TSHZ3: variants seen among roughly 807,000 people sequenced by gnomAD.
The protein encoded by TSHZ3 is teashirt homolog 3.
TSHZ3 carries 10 observed loss-of-function variants against 64.5 expected under a neutral mutation model. That is an observed-to-expected ratio of 0.16 (90% CI 0.10 to 0.26). The LOEUF is 0.26. Ranked by LOEUF, TSHZ3 falls within the 10% of genes least tolerant of loss-of-function variation. TSHZ3 has a pLI of 1.00. For synonymous variants in TSHZ3, 608 were observed against 593.1 expected, an observed-to-expected ratio of 1.03 and a Z score of -0.36; for missense variants, 1,242 against 1,421.7, an observed-to-expected ratio of 0.87 and a Z score of 2.03.
chr19:31,160,759 CACACACAT>C (rs1360798862), intron 5 of TSHZ3, among the ~76,000 whole-genome samples: 7 of 152,086 alleles, frequency 4.6e-5, no homozygotes, highest in East Asian at 1.9e-4. Flanking sequence ...CACAAAACTA[CACACACAT>C]ACACACATAC....
chr19:31,153,678 G>C (rs550241186), intron 6 of TSHZ3, among the ~76,000 whole-genome samples: 18 of 152,264 alleles, frequency 1.2e-4, no homozygotes, highest in African/African-American at 4.3e-4. Flanking sequence ...TGTCCTTCTT[G>C]TTTGCTATGG....
chr19:31,192,435 G>A lies in TSHZ3; in HGVS notation n.809+12521C>T, dbSNP rs574190146. Among the ~76,000 whole-genome samples the A allele has an allele frequency of 5.3e-5, 8 of 152,218 alleles. No homozygotes were observed. The East Asian group carries it at 1.5e-3, about 29-fold the overall frequency. Reference sequence around the variant, plus strand: ...TCCAGTTTTATAGCTGTTTATAGTGGGAGAGTAAGTCTAATACCCTATACT... The same window carrying A: ...TCCAGTTTTATAGCTGTTTATAGTGAGAGAGTAAGTCTAATACCCTATACT... On this transcript the variant is annotated intron_variant and non_coding_transcript_variant, in intron 5 of 6. Coordinates refer to the TSHZ3 transcript ENST00000651361.
At chr19:31,291,937 T>C (rs1976573495) in intron 1 of TSHZ3, among the ~76,000 whole-genome samples, 1 of 152,160 alleles carries the variant, frequency 6.6e-6, no homozygotes, top group South Asian at 2.1e-4. Flanking sequence ...GTCTATACAG[T>C]GAAACATGGC....
At chr19:31,156,700 T>C (rs958478079) in intron 5 of TSHZ3, among the ~76,000 whole-genome samples, 1 of 152,172 alleles carries the variant, frequency 6.6e-6, no homozygotes, top group African/African-American at 2.4e-5. Flanking sequence ...GCCAAGTGGT[T>C]CATGGATTTT....
chr19:31,179,670 G>A (rs1056133967), intron 5 of TSHZ3, among the ~76,000 whole-genome samples: 1 of 152,020 alleles, frequency 6.6e-6, no homozygotes, highest in Non-Finnish European at 1.5e-5. Flanking sequence ...AATGATGATG[G>A]TGGTGGTAAG....
At chr19:31,328,485 A>G (rs1599651405) in intron 1 of TSHZ3, among the ~76,000 whole-genome samples, 1 of 152,220 alleles carries the variant, frequency 6.6e-6, no homozygotes. Context: ...ATGGAGCCCA[A>G]CCTTCCTGCA....
Position 31,277,991 on chromosome 19 carries a change from G to A in TSHZ3, c.1802C>T (p.Pro601Leu), listed in dbSNP as rs374766533. 15 of 1,614,032 alleles carry A rather than the reference G, an allele frequency of 9.3e-6. No homozygotes were observed. The highest frequency in any genetic ancestry group is 1.3e-5 in the Non-Finnish European group (15 of 1,180,010). ...LVSPPSSQTSPMPKTNFHAME... is the reference protein window; with the variant it reads ...LVSPPSSQTSLMPKTNFHAME... ...GGCATGAAAGTTTGTCTTGGGCATG[G>A]GGGACGTCTGGCTGCTGGGTGGAGA... is the stretch of plus-strand genomic sequence containing the variant. Residue 601 changes from proline (P) to leucine (L), a missense_variant, in exon 2 of 2, where the codon CCC becomes CTC. Pro to Leu is a moderately conservative substitution (Grantham distance 98). Coordinates refer to ENST00000240587, the MANE Select transcript of TSHZ3 (RefSeq NM_020856.4). This position sits in a 1 kb window ranked among gnomAD's most constrained non-coding sequence, Gnocchi z 4.5.
chr19:31,203,022 T>C (rs1975110060), intron 5 of TSHZ3, among the ~76,000 whole-genome samples: 1 of 151,916 alleles, frequency 6.6e-6, no homozygotes, highest in African/African-American at 2.4e-5. Context: ...AATCACAAAA[T>C]TTCTAAAGCA....
At chr19:31,327,435 T>C (rs1421422077) in intron 1 of TSHZ3, among the ~76,000 whole-genome samples, 1 of 152,238 alleles carries the variant, frequency 6.6e-6, no homozygotes, top group Non-Finnish European at 1.5e-5. Context: ...AATCCTTACT[T>C]TTCTACATAT....
chr19:31,205,870 C>T (rs767334145), intron 4 of TSHZ3, among the ~76,000 whole-genome samples: 1 of 152,332 alleles, frequency 6.6e-6, no homozygotes, highest in East Asian at 1.9e-4. Flanking sequence ...AAATAGTATT[C>T]AAATGGCTCT....
chr19:31,349,384 G>T lies in TSHZ3; in HGVS notation c.-165C>A. ...ATGCTGCTGCGCCCAGGCTCTCCGC[G>T]TCCCCCCCGCGCCGCGCTCCGCCGC... On this transcript the variant is annotated 5_prime_UTR_variant, in exon 1 of 2. Transcript: ENST00000240587. The T allele has an allele frequency of 2.0e-6, 1 of 510,418 alleles. No individual in the cohort carries two copies. The highest frequency in any genetic ancestry group is 3.1e-6 in the Non-Finnish European group (1 of 323,610). The allele number at this position is 510,418 out of a possible 1,614,324, so 31.6% of individuals were successfully genotyped here.
At chr19:31,168,895 G>A (rs1415814078) in intron 5 of TSHZ3, among the ~76,000 whole-genome samples, 2 of 152,146 alleles carry the variant, frequency 1.3e-5, no homozygotes, top group African/African-American at 4.8e-5. Flanking sequence ...AGGGAGAAAA[G>A]CATCCAACTG....
At chr19:31,186,532 C>T (rs1191395324) in intron 5 of TSHZ3, among the ~76,000 whole-genome samples, 3 of 152,218 alleles carry the variant, frequency 2.0e-5, no homozygotes, top group Admixed American at 2.0e-4. Flanking sequence ...GCCTCCCAAG[C>T]CATGCTGAAC....
chr19:31,279,033 A>C lies in TSHZ3; in HGVS notation c.760T>G (p.Trp254Gly). 1 of 1,613,972 alleles carries C rather than the reference A, an allele frequency of 6.2e-7. No individual in the cohort carries two copies. Among genetic ancestry groups the C allele is most frequent in the Non-Finnish European group, 8.5e-7 (1 of 1,179,896 alleles). Reference sequence around the variant, plus strand: ...AAGGAGCGTTTGCGAGGCTTGGACCAGCGCTTGGGGTTGTTGTTATCGGTC... The same window carrying C: ...AAGGAGCGTTTGCGAGGCTTGGACCCGCGCTTGGGGTTGTTGTTATCGGTC... ...HETDNNNPKR[W>G]SKPRKRSLLE... The change falls in exon 2 of 2, where the codon TGG (tryptophan) becomes GGG (glycine). Residue 254 changes from tryptophan to glycine, a missense_variant. By Grantham distance (184) the Trp-to-Gly change is radical (BLOSUM62 -2). Coordinates refer to ENST00000240587, the MANE Select transcript of TSHZ3 (RefSeq NM_020856.4). This position sits in a 1 kb window ranked among gnomAD's most constrained non-coding sequence, Gnocchi z 6.4.
intron 5 of TSHZ3, among the ~76,000 whole-genome samples, chr19:31,193,879 T>A (rs994543432): frequency 1.3e-5 from 2 of 152,206 alleles, no homozygotes; most frequent in African/African-American, 2.4e-5. Flanking sequence ...TTAGTAGAAA[T>A]TTTTTAGAAA....
At chr19:31,155,752 C>A (rs1974298963) in intron 6 of TSHZ3, among the ~76,000 whole-genome samples, 1 of 152,204 alleles carries the variant, frequency 6.6e-6, no homozygotes, top group Non-Finnish European at 1.5e-5. Flanking sequence ...CCTTCCTAGC[C>A]TCTACCTGTT....
chr19:31,265,434 A>AAAAAG lies in TSHZ3; in HGVS notation n.64-22564_64-22560dup, dbSNP rs112866245. Reference sequence around the variant, plus strand: ...AAAAAAAAAAAAGAAAGAAAGAAAGAAAAAGAAAAGAAAAGAAAAGAAAAG... The same window carrying AAAAAG: ...AAAAAAAAAAAAGAAAGAAAGAAAGAAAAAGAAAAGAAAAGAAAAGAAAAGAAAAG... On this transcript the variant is annotated intron_variant and non_coding_transcript_variant, in intron 1 of 6. Coordinates refer to the TSHZ3 transcript ENST00000651361. Among the ~76,000 whole-genome samples, 275 of 150,608 alleles carry AAAAAG rather than the reference A, an allele frequency of 1.8e-3. 1 individual carries two copies. The highest frequency in any genetic ancestry group is 6.8e-3 in the South Asian group (32 of 4,740).
At chr19:31,209,476 A>G (rs1975232090) in intron 4 of TSHZ3, among the ~76,000 whole-genome samples, 1 of 152,186 alleles carries the variant, frequency 6.6e-6, no homozygotes, top group African/African-American at 2.4e-5. Flanking sequence ...GGCCAGTCTC[A>G]TAACCCACCC....
In TSHZ3 at chr19:31,278,785, G is replaced by A; in HGVS notation, c.1008C>T (p.Ser336=). 1 of 1,614,202 alleles carries A rather than the reference G, an allele frequency of 6.2e-7. No individual in the cohort carries two copies. Among genetic ancestry groups the A allele is most frequent in the African/African-American group, 1.3e-5 (1 of 75,052 alleles). Residue 336 remains serine (S), a synonymous_variant, in exon 2 of 2, where the codon TCC becomes TCT. Coordinates refer to ENST00000240587, the MANE Select transcript of TSHZ3 (RefSeq NM_020856.4). This position sits in a 1 kb window ranked among gnomAD's most constrained non-coding sequence, Gnocchi z 4.7. ...LELELPSSPD[S]TGGTPKATIS... The stretch of plus-strand genomic sequence containing the variant: ...TGGTGGCTTTGGGGGTTCCACCTGT[G>A]GAATCTGGGGAGCTGGGGAGCTCCA...
Sources: gnomAD v4.1 joint callset for allele counts (sites outside exome capture counted in the v4.1 genomes callset) on GRCh38, gnomAD v4.1.1 for gene constraint, Gnocchi (gnomAD v3.1) non-coding constraint, MANE v1.5 for transcripts, NCBI Gene and HGNC (gene_info 2026-07-23, HGNC 2026-07-21) for gene names.